Variants in DPP6 observed in about 807,000 individuals in gnomAD.
The protein encoded by DPP6 is A-type potassium channel modulatory protein DPP6.
Under a neutral mutation model 122.6 loss-of-function variants are expected in DPP6, and 69 were observed. The observed-to-expected ratio is 0.56, with a 90% CI of 0.46 to 0.69. The LOEUF is 0.69. DPP6 is among the 30% of genes least tolerant of loss of function. The pLI, the probability that DPP6 is intolerant of heterozygous loss-of-function variation, is 0.00. For missense variants in DPP6, 928 were observed against 1,116.9 expected (o/e 0.83, Z 2.41); for synonymous variants, 418 against 433.1 (o/e 0.97, Z 0.43).
At chr7:154,625,177 T>C (rs1369835033) in intron 5 of DPP6, among the ~76,000 whole-genome samples, 1 of 152,166 alleles carries the variant, frequency 6.6e-6, no homozygotes, top group Non-Finnish European at 1.5e-5. Context: ...GGGCAGAATG[T>C]TGACATCCAA....
chr7:154,698,124 G>A (rs1296637300), intron 7 of DPP6, among the ~76,000 whole-genome samples: 1 of 152,154 alleles, frequency 6.6e-6, no homozygotes, highest in Non-Finnish European at 1.5e-5. Context: ...TCCAAGAATA[G>A]ATGTATTTTT....
At chr7:154,384,448 G>A (rs1031705102) in intron 1 of DPP6, among the ~76,000 whole-genome samples, 1 of 152,186 alleles carries the variant, frequency 6.6e-6, no homozygotes, top group East Asian at 1.9e-4. Flanking sequence ...AGTGGAAGGA[G>A]CAGGCATTCC....
chr7:154,852,898 A>G (rs376121698), intron 16 of DPP6, among the ~76,000 whole-genome samples: 12 of 152,226 alleles, frequency 7.9e-5, no homozygotes, highest in African/African-American at 2.6e-4. Flanking sequence ...AATGAAGGAA[A>G]CACAGGCCAT....
the DPP6 span, among the ~76,000 whole-genome samples, chr7:153,792,253 C>A: frequency 6.6e-6 from 1 of 152,196 alleles, no homozygotes; most frequent in Admixed American, 6.5e-5. Context: ...TTTAGAATCA[C>A]CTCATCAATT....
At chr7:153,875,294 A>C in the DPP6 span, among the ~76,000 whole-genome samples, 6 of 152,172 alleles carry the variant, frequency 3.9e-5, no homozygotes, top group East Asian at 9.6e-4. Context: ...AAATATAAGG[A>C]CATTTTTTTG....
chr7:154,119,423 TA>T (rs1401733380), intron 1 of DPP6, among the ~76,000 whole-genome samples: 13 of 151,900 alleles, frequency 8.6e-5, no homozygotes, highest in Admixed American at 8.5e-4. Context: ...GACAGGGGTT[TA>T]AAAAAGGAAA....
chr7:154,305,181 C>G, intron 1 of DPP6: 9 of 1,006,346 alleles, frequency 8.9e-6, no homozygotes, highest in Non-Finnish European at 1.1e-5. Context: ...TTCCTGCACC[C>G]AGCCGCCACT....
At chr7:154,654,024 T>C (rs956064026) in intron 6 of DPP6, among the ~76,000 whole-genome samples, 1 of 152,202 alleles carries the variant, frequency 6.6e-6, no homozygotes, top group African/African-American at 2.4e-5. Context: ...TGTACAGACT[T>C]TCTTCCTTGT....
intron 1 of DPP6, among the ~76,000 whole-genome samples, chr7:154,089,178 TG>T (rs1804636711): frequency 6.6e-6 from 1 of 152,118 alleles, no homozygotes; most frequent in Non-Finnish European, 1.5e-5. Flanking sequence ...ACTGAAGGGA[TG>T]TAAAGAGAAG....
the DPP6 span, among the ~76,000 whole-genome samples, chr7:153,809,328 T>C: frequency 6.6e-6 from 1 of 151,826 alleles, no homozygotes; most frequent in Admixed American, 6.5e-5. Flanking sequence ...TTAAAGTTTC[T>C]GTGTCCCCAC....
chr7:154,792,333 G>A (rs1316518960), intron 10 of DPP6, among the ~76,000 whole-genome samples: 2 of 152,258 alleles, frequency 1.3e-5, no homozygotes, highest in African/African-American at 2.4e-5. Context: ...CCCTGCACAC[G>A]CTTCAGCGTC....
intron 16 of DPP6, among the ~76,000 whole-genome samples, chr7:154,834,311 CAAA>C (rs3054390): frequency 2.2e-5 from 3 of 134,566 alleles, no homozygotes; most frequent in African/African-American, 5.5e-5. Context: ...CTACTAAATA[CAAA>C]AAAAAAAAAA....
chr7:154,494,905 A>G (rs1563758697), intron 3 of DPP6, among the ~76,000 whole-genome samples: 1 of 152,260 alleles, frequency 6.6e-6, no homozygotes, highest in African/African-American at 2.4e-5. Context: ...GGTTAAAGAC[A>G]TAACAAAGCA....
intron 7 of DPP6, among the ~76,000 whole-genome samples, chr7:154,709,238 G>T (rs2131296279): frequency 6.6e-6 from 1 of 152,296 alleles, no homozygotes; most frequent in Non-Finnish European, 1.5e-5. Flanking sequence ...TCACTCTGTG[G>T]TCCAGGCAGG....
chr7:153,866,325 A>C, the DPP6 span, among the ~76,000 whole-genome samples: 2 of 152,084 alleles, frequency 1.3e-5, no homozygotes, highest in Non-Finnish European at 2.9e-5. Context: ...TTGTTTCCTG[A>C]CTTTTTAATG....
chr7:154,575,549 G>C (rs1267768892), intron 5 of DPP6, among the ~76,000 whole-genome samples: 1 of 133,070 alleles, frequency 7.5e-6, no homozygotes, highest in South Asian at 2.8e-4. Flanking sequence ...GGTGTGTGTG[G>C]TGTGTTTATT....
chr7:153,995,535 G>T (rs528449451), intron 1 of DPP6, among the ~76,000 whole-genome samples: 6 of 150,066 alleles, frequency 4.0e-5, no homozygotes, highest in Non-Finnish European at 8.9e-5. Flanking sequence ...CTTGCAGTAA[G>T]CGGAGATAGC....
intron 3 of DPP6, among the ~76,000 whole-genome samples, chr7:154,501,695 A>T (rs759856793): frequency 1.6e-4 from 24 of 152,336 alleles, no homozygotes; most frequent in Admixed American, 3.9e-4. Flanking sequence ...AGTTTGCTGC[A>T]GGGGTGGGGC....
At chr7:154,019,887 G>A (rs1798615661) in intron 1 of DPP6, among the ~76,000 whole-genome samples, 1 of 152,074 alleles carries the variant, frequency 6.6e-6, no homozygotes, top group African/African-American at 2.4e-5. Context: ...GTCATATAAA[G>A]TCTTTTTCTT....
Sources: allele counts gnomAD v4.1 joint callset (sites outside exome capture counted in the v4.1 genomes callset), GRCh38; gene constraint gnomAD v4.1.1; transcripts MANE v1.5; gene names NCBI Gene and HGNC (gene_info 2026-07-23, HGNC 2026-07-21).